PPM1F: variants seen among roughly 807,000 people sequenced by gnomAD.
PPM1F encodes protein phosphatase, Mg2+/Mn2+ dependent 1F.
Under a neutral mutation model 35.5 loss-of-function variants are expected in PPM1F, and 17 were observed. The observed-to-expected ratio is 0.48, with a 90% confidence interval of 0.33 to 0.72. The LOEUF (loss-of-function observed/expected upper bound fraction) is 0.72. PPM1F is among the 30% of genes least tolerant of loss of function. The pLI, the probability that PPM1F is intolerant of heterozygous loss-of-function variation, is 0.02. For synonymous variants in PPM1F, 241 were observed against 255.5 expected (o/e 0.94, Z 0.54); for missense variants, 521 against 613.0 (o/e 0.85, Z 1.59).
intron 2 of PPM1F, chr22:21,941,068 C>T (rs1029919360): frequency 1.6e-4 from 24 of 152,266 alleles, no homozygotes; most frequent in African/African-American, 5.8e-4. Flanking sequence ...CAGACATCAC[C>T]ATGTCCAGCT....
intron 7 of PPM1F, among the ~76,000 whole-genome samples, chr22:21,923,916 T>C (rs78317131): frequency 1.3e-5 from 2 of 151,234 alleles, no homozygotes; most frequent in Admixed American, 6.6e-5. Context: ...TCTCGATCTC[T>C]TGACCTTGTG....
chr22:21,938,398 G>A (rs2070686732), intron 3 of PPM1F: 1 of 1,156,910 alleles, frequency 8.6e-7, no homozygotes, highest in Non-Finnish European at 1.1e-6. Context: ...CTAAGGCAAG[G>A]CTGCGCTCCC....
chr22:21,928,358 G>A (rs967103541), intron 6 of PPM1F, among the ~76,000 whole-genome samples: 1 of 152,172 alleles, frequency 6.6e-6, no homozygotes, highest in Non-Finnish European at 1.5e-5. Flanking sequence ...CCTGCCAGGC[G>A]TGCCAGCGTG....
rs2070422035 is a variant in PPM1F, at chr22:21,919,454, G to A, written c.*3638C>T. The A allele has an allele frequency of 6.5e-6, 1 of 152,674 alleles. No individual in the cohort carries two copies. Among genetic ancestry groups the A allele is most frequent in the Admixed American group, 6.5e-5 (1 of 15,286 alleles). 9.5% of individuals were successfully genotyped at this position (152,674 alleles called of 1,614,324 possible). ...GAACTTGTGGTTTATTGACACTTCTGCATGGTGGGTCCTTGGGAGACTGCC... is the reference window on the plus strand; with the variant it reads ...GAACTTGTGGTTTATTGACACTTCTACATGGTGGGTCCTTGGGAGACTGCC... On this transcript the variant is annotated 3_prime_UTR_variant, in exon 8 of 8. Transcript: ENST00000263212.
At chr22:21,935,337 G>A (rs969738065) in intron 3 of PPM1F, 17 of 152,226 alleles carry the variant, frequency 1.1e-4, no homozygotes, top group African/African-American at 3.1e-4. Flanking sequence ...CAGTGGTTAG[G>A]GATGGGGTCT....
chr22:21,939,572 CTCT>C lies in PPM1F; in HGVS notation c.312_314del (p.Glu107del), dbSNP rs764578206. The C allele has an allele frequency of 5.8e-4, 917 of 1,577,880 alleles. No homozygotes were observed. Among genetic ancestry groups the C allele is most frequent in the Non-Finnish European group, 6.7e-4 (773 of 1,160,324 alleles). On this transcript the variant is annotated inframe_deletion, in exon 3 of 8. Coordinates refer to ENST00000263212, the MANE Select transcript of PPM1F (RefSeq NM_014634.4). The surrounding 1 kb of genome is among the most constrained non-coding windows in gnomAD (Gnocchi z 5.1). ...TTTCCTCCTCGTCATCGTCCTCCTC[CTCT>C]TCTTCTTCCTCCCTGGGCAACTTCC...
intron 6 of PPM1F, among the ~76,000 whole-genome samples, chr22:21,927,196 G>A (rs2070526392): frequency 1.3e-5 from 2 of 152,252 alleles, no homozygotes; most frequent in South Asian, 4.1e-4. Flanking sequence ...AGGAGGACCA[G>A]GAAGGAGGGA....
chr22:21,920,876 C>G lies in PPM1F; in HGVS notation c.*2216G>C, dbSNP rs1438460108. The G allele has an allele frequency of 6.6e-6, 1 of 152,260 alleles. No individual in the cohort carries two copies. The highest frequency in any genetic ancestry group is 1.5e-5 in the Non-Finnish European group (1 of 68,070). 9.4% of individuals were successfully genotyped at this position (152,260 alleles called of 1,614,324 possible). A position where few individuals can be genotyped will look rare whatever the true frequency, so the allele number is the denominator to read the frequency against. ...TCTCTCTCTTCGTCAAGGTTATGCC[C>G]ACGGGCAGGGTGGGCTAGTGGTGAG... On this transcript the variant is annotated 3_prime_UTR_variant, in exon 8 of 8. Coordinates refer to ENST00000263212, the MANE Select transcript of PPM1F (RefSeq NM_014634.4).
rs2145797319 is a variant in PPM1F, at chr22:21,933,399, T to C, written c.739A>G (p.Lys247Glu). Residue 247 changes from lysine (K) to glutamate (E), a missense_variant, in exon 5 of 8, where the codon AAG becomes GAG. Around this residue, in one of 3 missense-constraint regions of PPM1F, gnomAD observed 311 missense variants for 351.5 expected, o/e 0.88. Transcript: ENST00000263212. ...CAGCGGCCAGTCCTCACCTCTCGCT[T>C]GGCTTTCCTGAGAAACATCTGGTCG... ...RTDQMFLRKA[K>E]RERLQSGTTG... The C allele has an allele frequency of 1.5e-5, 24 of 1,608,052 alleles. No individual in the cohort carries two copies. Among genetic ancestry groups the C allele is most frequent in the Non-Finnish European group, 2.0e-5 (24 of 1,177,584 alleles).
intron 2 of PPM1F, chr22:21,941,527 G>A (rs2145804494): frequency 6.6e-6 from 1 of 152,508 alleles, no homozygotes; most frequent in South Asian, 2.1e-4. Context: ...AGCGACTTGT[G>A]TTCCACGGAG....
intron 6 of PPM1F, 157 bp from the exon 7 acceptor site, chr22:21,925,819 G>A (rs1022039665): frequency 5.7e-6 from 3 of 527,684 alleles, no homozygotes; most frequent in African/African-American, 1.9e-5. Context: ...GCACCCAAAC[G>A]AGGCTCATCA....
chr22:21,950,618 T>A (rs975803793), intron 1 of PPM1F: 3 of 151,784 alleles, frequency 2.0e-5, no homozygotes, highest in Non-Finnish European at 2.9e-5. Context: ...TGTTAACTGT[T>A]TTTTTTTGTT....
intron 5 of PPM1F, among the ~76,000 whole-genome samples, chr22:21,931,500 ATGTTTATT>A (rs1484559566): frequency 1.2e-4 from 17 of 146,998 alleles, no homozygotes; most frequent in Non-Finnish European, 1.8e-4. Context: ...CTCAATAAAG[ATGTTTATT>A]TATTTATTTA....
In PPM1F at chr22:21,946,010, G is replaced by A. The variant is rs368699887; in HGVS notation, c.39C>T (p.Ala13=). The change falls in exon 2 of 8, where the codon GCC becomes GCT. Residue 13 remains alanine, a synonymous_variant. Coordinates refer to ENST00000263212, the MANE Select transcript of PPM1F (RefSeq NM_014634.4). ...SGAPQKSSPM[A]SGAEETPGFL... ...AGCCTGGGGTCTCCTCAGCTCCACT[G>A]GCCATTGGGCTGCTCTTCTGTGGGG... 13 of 1,586,664 alleles carry A rather than the reference G, an allele frequency of 8.2e-6. No individual in the cohort carries two copies. The African/African-American group carries it at 1.8e-4, about 21-fold the overall frequency.
chr22:21,946,722 G>T, intron 1 of PPM1F: 1 of 152,498 alleles, frequency 6.6e-6, no homozygotes, highest in Non-Finnish European at 1.5e-5. Context: ...TTTAATCTGG[G>T]ACAGACAGGA....
Position 21,939,630 on chromosome 22 carries a change from T to G in PPM1F, c.257A>C (p.Gln86Pro). The G allele has an allele frequency of 6.4e-7, 1 of 1,558,160 alleles. No homozygotes were observed. Among genetic ancestry groups the G allele is most frequent in the Non-Finnish European group, 8.7e-7 (1 of 1,149,906 alleles). ...AAALAHEAVSQLLQTDLSEFR... is the reference protein window; with the variant it reads ...AAALAHEAVSPLLQTDLSEFR... Reference sequence around the variant, plus strand: ...TTCGGAAAGGTCTGTCTGTAGCAGCTGTGAAACTGCTTCGTGGGCCAGAGC... The same window carrying G: ...TTCGGAAAGGTCTGTCTGTAGCAGCGGTGAAACTGCTTCGTGGGCCAGAGC... The change falls in exon 3 of 8, where the codon CAG becomes CCG. Residue 86 changes from glutamine (Q) to proline (P), a missense_variant. By Grantham distance (76) the Gln-to-Pro change is moderately conservative. Transcript: ENST00000263212. This position sits in a 1 kb window ranked among gnomAD's most constrained non-coding sequence, Gnocchi z 5.1.
intron 3 of PPM1F, chr22:21,938,233 G>A (rs2070683386): frequency 1.5e-6 from 2 of 1,302,352 alleles, no homozygotes; most frequent in South Asian, 1.2e-5. Flanking sequence ...CCGCGTGGAC[G>A]GACAGAGACC....
At chr22:21,931,089 T>G in intron 6 of PPM1F, 59 bp downstream of exon 6, 1 of 1,598,192 alleles carries the variant, frequency 6.3e-7, no homozygotes, top group African/African-American at 1.3e-5. Flanking sequence ...GGTTCCCCTA[T>G]GGGCCCAGCA....
intron 2 of PPM1F, chr22:21,943,256 G>A (rs1272897717): frequency 1.3e-5 from 2 of 152,350 alleles, no homozygotes; most frequent in African/African-American, 2.4e-5. Context: ...ATGGGCACAT[G>A]TGAGTGCGTG....
Sources: gnomAD v4.1 joint callset for allele counts (sites outside exome capture counted in the v4.1 genomes callset) on GRCh38, gnomAD v4.1.1 for gene constraint, gnomAD v4.1.1 regional missense constraint, Gnocchi (gnomAD v3.1) non-coding constraint, MANE v1.5 for transcripts, NCBI Gene and HGNC (gene_info 2026-07-23, HGNC 2026-07-21) for gene names.